The following RDH10 variants were observed in gnomAD, a reference collection of about 807,000 sequenced individuals.
RDH10 encodes retinol dehydrogenase 10 (all-trans).
RDH10 carries 12 observed loss-of-function variants against 30.2 expected under a neutral mutation model. The observed-to-expected ratio is 0.40, with a 90% CI of 0.25 to 0.64. The LOEUF (loss-of-function observed/expected upper bound fraction) is 0.64, where lower values mean the gene tolerates loss of function less well. Among genes scored for constraint, RDH10 ranks in the 30% least tolerant of loss-of-function variants. The probability of loss-of-function intolerance (pLI) is 0.43; values close to 1 mark genes in which losing one functional copy is unlikely to be tolerated. For missense variants in RDH10, 268 were observed against 445.2 expected, an observed-to-expected ratio of 0.60 and a Z score of 3.58; for synonymous variants, 189 against 172.2, an observed-to-expected ratio of 1.10 and a Z score of -0.76.
At chr8:73,317,173 T>A (rs1814685415) in intron 2 of RDH10, among the ~76,000 whole-genome samples, 1 of 152,226 alleles carries the variant, frequency 6.6e-6, no homozygotes, top group East Asian at 1.9e-4. Flanking sequence ...ATAATCGCAT[T>A]AAGGTAAATG....
At chr8:73,298,526 T>G (rs1026489822) in intron 2 of RDH10, among the ~76,000 whole-genome samples, 77 of 152,196 alleles carry the variant, frequency 5.1e-4, no homozygotes, top group Middle Eastern at 3.4e-3. Context: ...CTTTATTTAT[T>G]TATTTATTTA....
At position 73,295,184 on chromosome 8, in the gene RDH10, C is replaced by A. The variant is rs1246283865; in HGVS notation, c.-106C>A. The A allele has an allele frequency of 2.6e-6, 3 of 1,138,096 alleles. No homozygotes were observed. Among genetic ancestry groups the A allele is most frequent in the East Asian group, 6.2e-5 (2 of 32,272 alleles). 70.5% of individuals were successfully genotyped at this position (1,138,096 alleles called of 1,614,324 possible). ...GGGCGGGCGCGGGGCGCAGCCTTCT[C>A]GTCCCGGCCTCTGTGACAAGCGCCC... On this transcript the variant is annotated 5_prime_UTR_variant, in exon 1 of 6. Transcript: ENST00000240285.
At chr8:73,296,639 A>T (rs891252078) in intron 1 of RDH10, among the ~76,000 whole-genome samples, 2 of 152,210 alleles carry the variant, frequency 1.3e-5, no homozygotes, top group African/African-American at 2.4e-5. Context: ...TTCTTAGAGG[A>T]GTCAGCCCAG....
rs982531569 is a variant in RDH10 at position 73,294,707 on chromosome 8, G to A, written c.-583G>A. The A allele has an allele frequency of 2.7e-6, 1 of 370,718 alleles. No individual in the cohort carries two copies. The highest frequency in any genetic ancestry group is 4.8e-6 in the Non-Finnish European group (1 of 208,548). 23.0% of individuals were successfully genotyped at this position (370,718 alleles called of 1,614,324 possible). A position where few individuals can be genotyped will look rare whatever the true frequency, so the allele number is the denominator to read the frequency against. On this transcript the variant is annotated 5_prime_UTR_variant, in exon 1 of 6. Coordinates refer to ENST00000240285, the MANE Select transcript of RDH10 (RefSeq NM_172037.5). ...AGGGCCGGGGAACGCGAGCCCTCGG[G>A]GGCAGCTGCAAGGCGTTGGGCAGCG...
In RDH10 at chr8:73,318,838, T is replaced by C. The variant is rs1814718369; in HGVS notation, c.526-258T>C. 2.0e-5 allele frequency among the ~76,000 whole-genome samples: 3 copies of C among 152,230 alleles called. No homozygotes were observed. In the South Asian group the frequency reaches 6.2e-4, roughly 32 times the overall value. ...AGAAGCTTCTGCCAATGGCTCTCTT[T>C]TTATCTCTAGACACTGTCCCCAAAA... On this transcript the variant is annotated intron_variant, in intron 2 of 5. Coordinates refer to ENST00000240285, the MANE Select transcript of RDH10 (RefSeq NM_172037.5).
intron 3 of RDH10, 80 bp downstream of exon 3, chr8:73,319,274 T>C: frequency 1.1e-6 from 1 of 928,216 alleles, no homozygotes. Flanking sequence ...GGAGAGCACC[T>C]GCTGCCCCTC....
intron 4 of RDH10, 183 bp from the exon 5 acceptor site, chr8:73,322,496 T>C: frequency 1.8e-6 from 1 of 564,772 alleles, no homozygotes; most frequent in Non-Finnish European, 3.0e-6. Context: ...TTCTCCAGAC[T>C]GTGCCAATAA....
chr8:73,315,641 G>C (rs1372949133), intron 2 of RDH10: 1 of 453,332 alleles, frequency 2.2e-6, no homozygotes, highest in South Asian at 1.6e-5. Context: ...ATACAGGGAA[G>C]TCATTACAGC....
chr8:73,306,666 C>A lies in RDH10; in HGVS notation c.525+9237C>A, dbSNP rs549911568. ...ATTTGGAAACAAAACATTACTTGGT[C>A]TGTGAAACTTTCAAAGATCACACAA... On this transcript the variant is annotated intron_variant, in intron 2 of 5. Transcript: ENST00000240285. Among the ~76,000 whole-genome samples, 9 of 152,320 alleles carry A rather than the reference C, an allele frequency of 5.9e-5. No homozygotes were observed. The South Asian group carries it at 1.9e-3, about 32-fold the overall frequency.
At position 73,294,872 on chromosome 8, in the gene RDH10, C is replaced by T. The variant is rs1814223581; in HGVS notation, c.-418C>T. On this transcript the variant is annotated 5_prime_UTR_variant, in exon 1 of 6. Transcript: ENST00000240285. ...CGTGCCGCCTCCGCTGCGCACCCCT[C>T]CCCCGGGGTGAGAGGGAGCCGGCGC... 1 of 392,426 alleles carries T rather than the reference C, an allele frequency of 2.5e-6. No homozygotes were observed. Among genetic ancestry groups the T allele is most frequent in the Non-Finnish European group, 4.5e-6 (1 of 222,002 alleles). The allele number at this position is 392,426 out of a possible 1,614,324, so 24.3% of individuals were successfully genotyped here.
At chr8:73,301,396 C>T (rs992216264) in intron 2 of RDH10, among the ~76,000 whole-genome samples, 3 of 151,694 alleles carry the variant, frequency 2.0e-5, no homozygotes, top group Non-Finnish European at 4.4e-5. Flanking sequence ...TAATAATAGG[C>T]TTAAATATTT....
chr8:73,323,091 T>G lies in RDH10; in HGVS notation c.*55T>G, dbSNP rs1814797533. 2.2e-6 allele frequency: 3 copies of G among 1,387,082 alleles called. No individual in the cohort carries two copies. The highest frequency in any genetic ancestry group is 2.3e-5 in the East Asian group (1 of 43,448). 85.9% of individuals were successfully genotyped at this position (1,387,082 alleles called of 1,614,324 possible). ...TCAGAAGATGATCAAGATGTTTCAG[T>G]CCAGTGCACATCAGCATTGCTGACA... On this transcript the variant is annotated 3_prime_UTR_variant, in exon 6 of 6. Coordinates refer to ENST00000240285, the MANE Select transcript of RDH10 (RefSeq NM_172037.5).
At chr8:73,302,069 C>T (rs963873829) in intron 2 of RDH10, among the ~76,000 whole-genome samples, 1 of 152,152 alleles carries the variant, frequency 6.6e-6, no homozygotes, top group Non-Finnish European at 1.5e-5. Flanking sequence ...GCAATTCTTT[C>T]CTTCCCTCTT....
rs369923002 is a variant in RDH10, at chr8:73,299,870, TTGAAAATGCA to T, written c.525+2442_525+2451del. Among the ~76,000 whole-genome samples the T allele has an allele frequency of 7.2e-5, 11 of 152,324 alleles. 1 individual carries two copies. Among genetic ancestry groups the T allele is most frequent in the African/African-American group, 2.6e-4 (11 of 41,578 alleles). On this transcript the variant is annotated intron_variant, in intron 2 of 5. Coordinates refer to ENST00000240285, the MANE Select transcript of RDH10 (RefSeq NM_172037.5). ...GCACAGAAAATTCATAGCCTTAGCT[TTGAAAATGCA>T]CATAAATTGATATACCGTCTTTCTA... is the stretch of plus-strand genomic sequence containing the variant.
intron 2 of RDH10, among the ~76,000 whole-genome samples, chr8:73,314,489 T>C (rs1030353515): frequency 1.3e-5 from 2 of 152,136 alleles, no homozygotes; most frequent in African/African-American, 2.4e-5. Flanking sequence ...GCAAAGGAAA[T>C]GATTAACAGC....
chr8:73,296,772 T>C (rs1814273690), intron 1 of RDH10, among the ~76,000 whole-genome samples: 1 of 152,236 alleles, frequency 6.6e-6, no homozygotes, highest in Non-Finnish European at 1.5e-5. Flanking sequence ...GTTTCCATTT[T>C]GAGGGTTCTC....
chr8:73,300,954 T>A (rs1017889499), intron 2 of RDH10, among the ~76,000 whole-genome samples: 1 of 152,118 alleles, frequency 6.6e-6, no homozygotes, highest in Non-Finnish European at 1.5e-5. Flanking sequence ...GCATTTGTTA[T>A]CATTCTCCCA....
rs1243150476 is a variant in RDH10 at position 73,312,155 on chromosome 8, C to T, written c.526-6941C>T. On this transcript the variant is annotated intron_variant, in intron 2 of 5. Coordinates refer to ENST00000240285, the MANE Select transcript of RDH10 (RefSeq NM_172037.5). ...TGTCACCATTTTACATTTTTTAACA[C>T]ACTAATGATGTATCCTATTAACTTT... 5 of 152,182 alleles carry T rather than the reference C, an allele frequency of 3.3e-5. No individual in the cohort carries two copies. The East Asian group carries it at 9.6e-4, about 29-fold the overall frequency. 9.4% of individuals were successfully genotyped at this position (152,182 alleles called of 1,614,324 possible).
chr8:73,313,722 G>A (rs1251898021), intron 2 of RDH10, among the ~76,000 whole-genome samples: 1 of 152,114 alleles, frequency 6.6e-6, no homozygotes, highest in Non-Finnish European at 1.5e-5. Context: ...ATATTTTCCT[G>A]CTGAAGAACT....
Sources: allele counts gnomAD v4.1 joint callset (sites outside exome capture counted in the v4.1 genomes callset), GRCh38; gene constraint gnomAD v4.1.1; transcripts MANE v1.5; gene names NCBI Gene and HGNC (gene_info 2026-07-23, HGNC 2026-07-21).